HCRTR2: variants seen among roughly 807,000 people sequenced by gnomAD.
HCRTR2 encodes hypocretin receptor 2.
HCRTR2 carries 22 observed loss-of-function variants against 49.0 expected under a neutral mutation model. The ratio of observed to expected loss-of-function variants is 0.45; its 90% CI spans 0.32 to 0.64. The LOEUF (loss-of-function observed/expected upper bound fraction) is 0.64, where lower values mean the gene tolerates loss of function less well. Ranked by LOEUF, HCRTR2 falls within the 30% of genes least tolerant of loss-of-function variation. The pLI, the probability that HCRTR2 is intolerant of heterozygous loss-of-function variation, is 0.04. For synonymous variants in HCRTR2, 236 were observed against 205.3 expected, an observed-to-expected ratio of 1.15 and a Z score of -1.28; for missense variants, 491 against 559.4, an observed-to-expected ratio of 0.88 and a Z score of 1.23.
intron 1 of HCRTR2, among the ~76,000 whole-genome samples, chr6:55,156,564 C>A (rs1285692509): frequency 6.6e-6 from 1 of 151,670 alleles, no homozygotes; most frequent in Non-Finnish European, 1.5e-5. Flanking sequence ...CTCTTTCTCT[C>A]TCTCTGAGAC....
At chr6:55,145,859 C>T (rs1019250528) in intron 1 of HCRTR2, among the ~76,000 whole-genome samples, 1 of 152,022 alleles carries the variant, frequency 6.6e-6, no homozygotes, top group African/African-American at 2.4e-5. Flanking sequence ...TCTCTTGGAG[C>T]TCTCTTTCCC....
chr6:55,272,556 A>G (rs1389432737), intron 4 of HCRTR2, among the ~76,000 whole-genome samples: 1 of 151,982 alleles, frequency 6.6e-6, no homozygotes, highest in African/African-American at 2.4e-5. Flanking sequence ...AAAAGAAAGA[A>G]CAAAAATGAT....
upstream of HCRTR2, among the ~76,000 whole-genome samples, chr6:55,169,898 C>A (rs935097249): frequency 2.0e-5 from 3 of 151,908 alleles, no homozygotes; most frequent in African/African-American, 7.3e-5. Context: ...AGCCGAACTC[C>A]TGGACACACA....
At chr6:55,267,402 C>G (rs1056474886) in intron 4 of HCRTR2, among the ~76,000 whole-genome samples, 44 of 123,316 alleles carry the variant, frequency 3.6e-4, no homozygotes, top group Admixed American at 1.2e-3. Context: ...CTCTCTCTCT[C>G]TGTTTTTTTT....
chr6:55,179,333 A>G (rs1456836629), intron 1 of HCRTR2, among the ~76,000 whole-genome samples: 1 of 152,198 alleles, frequency 6.6e-6, no homozygotes, highest in African/African-American at 2.4e-5. Flanking sequence ...TAGAATCATG[A>G]ATAGTGACTG....
chr6:55,241,752 T>C (rs1204846492), intron 1 of HCRTR2, among the ~76,000 whole-genome samples: 4 of 152,022 alleles, frequency 2.6e-5, no homozygotes, highest in African/African-American at 9.7e-5. Context: ...AAATGAGTCA[T>C]TAAGATTATC....
At chr6:55,203,322 TA>T (rs1765543499) in intron 1 of HCRTR2, among the ~76,000 whole-genome samples, 1 of 152,220 alleles carries the variant, frequency 6.6e-6, no homozygotes, top group Non-Finnish European at 1.5e-5. Flanking sequence ...TCTCTCTTAT[TA>T]ATCAATGACA....
intron 1 of HCRTR2, among the ~76,000 whole-genome samples, chr6:55,223,575 A>G (rs887208349): frequency 1.3e-5 from 2 of 152,132 alleles, no homozygotes; most frequent in Non-Finnish European, 2.9e-5. Flanking sequence ...ATTACTATGT[A>G]TTTGTAATTA....
chr6:55,266,863 T>G (rs575429239), intron 4 of HCRTR2, among the ~76,000 whole-genome samples: 5 of 152,264 alleles, frequency 3.3e-5, no homozygotes, highest in African/African-American at 1.2e-4. Context: ...AGCATATAGT[T>G]TGACATTTCC....
chr6:55,277,540 T>C lies in HCRTR2; in HGVS notation c.923T>C (p.Ile308Thr). ...ARRKTARMLM[I>T]VLLVFAICYL... ...AGGAAAACAGCCCGGATGTTGATGATTGTGCTTTTGGTATTTGCAATTTGC... is the reference window on the plus strand; with the variant it reads ...AGGAAAACAGCCCGGATGTTGATGACTGTGCTTTTGGTATTTGCAATTTGC... Residue 308 changes from isoleucine to threonine, a missense_variant, in exon 5 of 7, where the codon ATT becomes ACT. Physicochemically the swap from Ile to Thr is moderately conservative, Grantham distance 89. Transcript: ENST00000370862. 6.2e-7 allele frequency: 1 copy of C among 1,614,124 alleles called. No individual in the cohort carries two copies. The highest frequency in any genetic ancestry group is 1.1e-5 in the South Asian group (1 of 91,084).
At chr6:55,119,250 G>A (rs1234617729) in intron 1 of HCRTR2, among the ~76,000 whole-genome samples, 3 of 151,964 alleles carry the variant, frequency 2.0e-5, no homozygotes, top group South Asian at 2.1e-4. Flanking sequence ...ATAAACATAC[G>A]TGTGCATGTG....
chr6:55,174,728 C>T lies in HCRTR2; in HGVS notation c.141C>T (p.Tyr47=), dbSNP rs1765007303. Residue 47 remains tyrosine, a synonymous_variant, in exon 1 of 7, where the codon TAC becomes TAT. Coordinates refer to ENST00000370862, the MANE Select transcript of HCRTR2 (RefSeq NM_001384272.1). ...TCCTGCGGTACCTGTGGAGGGAATA[C>T]CTGCACCCGAAAGAATATGAGTGGG... is the stretch of plus-strand genomic sequence containing the variant. ...EEFLRYLWRE[Y]LHPKEYEWVL... The T allele has an allele frequency of 1.9e-6, 3 of 1,613,962 alleles. No individual in the cohort carries two copies. Among genetic ancestry groups the T allele is most frequent in the South Asian group, 2.2e-5 (2 of 91,078 alleles).
intron 1 of HCRTR2, among the ~76,000 whole-genome samples, chr6:55,157,766 T>C (rs1295471789): frequency 6.6e-6 from 1 of 152,188 alleles, no homozygotes; most frequent in East Asian, 1.9e-4. Flanking sequence ...CCAGATCTTA[T>C]CCAAGACCTC....
chr6:55,190,172 A>G (rs938308883), intron 1 of HCRTR2, among the ~76,000 whole-genome samples: 8 of 152,254 alleles, frequency 5.3e-5, no homozygotes. Context: ...AAACAAATTC[A>G]TTAGTTCAAA....
At chr6:55,192,413 G>GCACACACACACACA (rs1554171107) in intron 1 of HCRTR2, among the ~76,000 whole-genome samples, 3 of 128,524 alleles carry the variant, frequency 2.3e-5, no homozygotes, top group Admixed American at 1.7e-4. Context: ...GCGCGCGCGC[G>GCACACACACACACA]CACACACACA....
intron 4 of HCRTR2, among the ~76,000 whole-genome samples, chr6:55,265,174 A>G (rs1177426359): frequency 6.6e-6 from 1 of 152,104 alleles, no homozygotes; most frequent in African/African-American, 2.4e-5. Flanking sequence ...AATGTGGACC[A>G]CTATAAAATA....
intron 1 of HCRTR2, among the ~76,000 whole-genome samples, chr6:55,211,660 G>A (rs1190063610): frequency 2.0e-5 from 3 of 152,066 alleles, no homozygotes; most frequent in Non-Finnish European, 4.4e-5. Context: ...GTGCCCTCTA[G>A]CCTTATTTGA....
intron 1 of HCRTR2, chr6:55,240,812 G>A (rs1219072529): frequency 7.2e-6 from 3 of 418,330 alleles, no homozygotes; most frequent in Middle Eastern, 3.4e-4. Context: ...TAGGTTTTTT[G>A]AAAATAGGAG....
At chr6:55,156,166 C>A (rs1235905401) in intron 1 of HCRTR2, among the ~76,000 whole-genome samples, 1 of 151,482 alleles carries the variant, frequency 6.6e-6, no homozygotes, top group Non-Finnish European at 1.5e-5. Flanking sequence ...ATTATTGGAA[C>A]ATGAATGGAA....
Sources: gnomAD v4.1 joint callset for allele counts (sites outside exome capture counted in the v4.1 genomes callset) on GRCh38, gnomAD v4.1.1 for gene constraint, MANE v1.5 for transcripts, NCBI Gene and HGNC (gene_info 2026-07-23, HGNC 2026-07-21) for gene names.